The following ADAMTSL1 variants were observed in gnomAD, a reference collection of about 807,000 sequenced individuals.
ADAMTSL1 encodes ADAMTS like 1, also known as ADAMTS-like protein 1.
A neutral mutation model predicts 201.8 loss-of-function variants in ADAMTSL1; 126 were observed. That is an observed-to-expected ratio of 0.62 (90% CI 0.54 to 0.72). The LOEUF is 0.72. Ranked by LOEUF, ADAMTSL1 falls within the 30% of genes least tolerant of loss-of-function variation. ADAMTSL1 has a pLI of 0.00. For missense variants in ADAMTSL1, 2,679 were observed against 2,277.8 expected (o/e 1.18, Z -3.59); for synonymous variants, 1,121 against 903.4 (o/e 1.24, Z -4.32).
At chr9:18,465,736 T>TTTTTG (rs60866155) in intron 2 of ADAMTSL1, among the ~76,000 whole-genome samples, 72,080 of 150,840 alleles carry the variant, frequency 0.48, 17,349 homozygotes, top group Admixed American at 0.52. Flanking sequence ...CACAGGTATC[T>TTTTTG]TTTTGTTTTG....
At chr9:18,719,500 G>T (rs540237876) in intron 14 of ADAMTSL1, among the ~76,000 whole-genome samples, 101 of 152,166 alleles carry the variant, frequency 6.6e-4, no homozygotes, top group Middle Eastern at 6.8e-3. Context: ...AAGTAGCTGG[G>T]ATTACAGGTG....
chr9:17,993,968 T>A (rs1345920359), intron 1 of ADAMTSL1, among the ~76,000 whole-genome samples: 2 of 151,916 alleles, frequency 1.3e-5, no homozygotes, highest in Admixed American at 6.6e-5. Flanking sequence ...ACCAGAGAGG[T>A]CTCTGGAAAC....
intron 1 of ADAMTSL1, among the ~76,000 whole-genome samples, chr9:18,138,181 A>G (rs940806980): frequency 2.6e-5 from 4 of 152,174 alleles, no homozygotes; most frequent in Non-Finnish European, 5.9e-5. Context: ...TATGGCGAAA[A>G]GTAAGTATTA....
At chr9:18,890,861 G>C (rs1829213572) in intron 25 of ADAMTSL1, 1 of 291,898 alleles carries the variant, frequency 3.4e-6, no homozygotes, top group Non-Finnish European at 6.7e-6. Flanking sequence ...ATGAAGAAGA[G>C]ATCTTTGATG....
intron 1 of ADAMTSL1, among the ~76,000 whole-genome samples, chr9:17,986,032 G>C (rs1462843456): frequency 1.3e-5 from 2 of 152,108 alleles, no homozygotes; most frequent in East Asian, 3.9e-4. Context: ...TCTTTGATAT[G>C]TGAAGTAAAG....
chr9:18,776,736 C>G, intron 18 of ADAMTSL1, 45 bp from the exon 19 acceptor site: 1 of 1,496,310 alleles, frequency 6.7e-7, no homozygotes, highest in Non-Finnish European at 8.9e-7. Flanking sequence ...GGTTTTCTCT[C>G]TCCCCACCTC....
intron 2 of ADAMTSL1, among the ~76,000 whole-genome samples, chr9:18,193,743 C>T (rs1470433522): frequency 6.6e-6 from 1 of 152,144 alleles, no homozygotes; most frequent in Non-Finnish European, 1.5e-5. Flanking sequence ...TTCACTGGGT[C>T]CCTGTATGGA....
chr9:18,362,874 A>G (rs1836589340), intron 2 of ADAMTSL1, among the ~76,000 whole-genome samples: 1 of 152,242 alleles, frequency 6.6e-6, no homozygotes, highest in Non-Finnish European at 1.5e-5. Flanking sequence ...GAAAGCAACA[A>G]ACTGTTGATT....
intron 26 of ADAMTSL1, among the ~76,000 whole-genome samples, chr9:18,903,147 G>C (rs1165458282): frequency 6.6e-6 from 1 of 152,282 alleles, no homozygotes; most frequent in Admixed American, 6.5e-5. Flanking sequence ...GGAAGTTGCA[G>C]TGAGCAGAGA....
intron 2 of ADAMTSL1, among the ~76,000 whole-genome samples, chr9:18,168,172 G>C (rs1827719201): frequency 6.6e-6 from 1 of 151,666 alleles, no homozygotes; most frequent in Non-Finnish European, 1.5e-5. Flanking sequence ...GTGCAGGTTT[G>C]TTACATATGT....
At chr9:18,074,702 T>C (rs964444678) in intron 1 of ADAMTSL1, among the ~76,000 whole-genome samples, 1 of 152,088 alleles carries the variant, frequency 6.6e-6, no homozygotes, top group African/African-American at 2.4e-5. Context: ...GTGATTCTCC[T>C]GCCTCAGCCT....
At chr9:18,266,482 T>A (rs543406459) in intron 2 of ADAMTSL1, among the ~76,000 whole-genome samples, 32 of 152,338 alleles carry the variant, frequency 2.1e-4, no homozygotes, top group African/African-American at 6.7e-4. Flanking sequence ...TCAAAAATGA[T>A]ACTTCATGAG....
At chr9:18,466,435 A>G (rs1410651076) in intron 2 of ADAMTSL1, among the ~76,000 whole-genome samples, 2 of 152,304 alleles carry the variant, frequency 1.3e-5, no homozygotes, top group African/African-American at 2.4e-5. Context: ...GCTCACCATA[A>G]TTTCAAGTAG....
chr9:18,790,115 C>A (rs1414884317), intron 19 of ADAMTSL1, among the ~76,000 whole-genome samples: 1 of 152,146 alleles, frequency 6.6e-6, no homozygotes, highest in Non-Finnish European at 1.5e-5. Flanking sequence ...CATTTATTAG[C>A]TTTATCTGGT....
At chr9:18,625,549 C>G (rs561175974) in intron 5 of ADAMTSL1, among the ~76,000 whole-genome samples, 1 of 152,108 alleles carries the variant, frequency 6.6e-6, no homozygotes, top group Non-Finnish European at 1.5e-5. Flanking sequence ...AGCACTCAGC[C>G]TTTTCATTTT....
intron 2 of ADAMTSL1, among the ~76,000 whole-genome samples, chr9:18,456,672 T>A (rs74415868): frequency 0.025 from 3,802 of 152,286 alleles, 158 homozygotes; most frequent in African/African-American, 0.087. Context: ...AGGAGATTTT[T>A]AAATAAGGAC....
chr9:17,908,976 G>T (rs2131263590), intron 1 of ADAMTSL1, among the ~76,000 whole-genome samples: 1 of 151,252 alleles, frequency 6.6e-6, no homozygotes, highest in South Asian at 2.1e-4. Flanking sequence ...ATCCTCTCCA[G>T]CACCTGTTGT....
chr9:18,014,416 C>A (rs1421544761), intron 1 of ADAMTSL1, among the ~76,000 whole-genome samples: 3 of 152,006 alleles, frequency 2.0e-5, no homozygotes, highest in African/African-American at 4.8e-5. Flanking sequence ...TGTTCACTAA[C>A]AGAATTTCCT....
At chr9:18,605,977 T>A (rs1029264261) in intron 4 of ADAMTSL1, among the ~76,000 whole-genome samples, 2 of 152,166 alleles carry the variant, frequency 1.3e-5, no homozygotes, top group African/African-American at 4.8e-5. Flanking sequence ...ATTCTGGGCT[T>A]TCTACCCCTT....
Sources: gnomAD v4.1 joint callset for allele counts (sites outside exome capture counted in the v4.1 genomes callset) on GRCh38, gnomAD v4.1.1 for gene constraint, MANE v1.5 for transcripts, NCBI Gene and HGNC (gene_info 2026-07-23, HGNC 2026-07-21) for gene names.